CACNG7: variants seen among roughly 807,000 people sequenced by gnomAD.
The protein encoded by CACNG7 is voltage-dependent calcium channel gamma-7 subunit.
A neutral mutation model predicts 26.3 loss-of-function variants in CACNG7; 9 were observed. The observed-to-expected ratio is 0.34, with a 90% CI of 0.21 to 0.60. The LOEUF (loss-of-function observed/expected upper bound fraction) is 0.60. CACNG7 is among the 20% of genes least tolerant of loss of function. CACNG7 has a pLI of 0.81. For missense variants in CACNG7, 297 were observed against 380.4 expected (o/e 0.78, Z 1.82); for synonymous variants, 170 against 157.0 (o/e 1.08, Z -0.62).
intron 1 of CACNG7, among the ~76,000 whole-genome samples, chr19:53,910,874 C>T (rs773151206): frequency 6.6e-6 from 1 of 152,088 alleles, no homozygotes; most frequent in Admixed American, 6.5e-5. Context: ...GAAGTCCCAG[C>T]ATGGGAAACC....
rs759565578 is a variant in CACNG7 at position 53,941,522 on chromosome 19, G to A, written c.477G>A (p.Glu159=). The change falls in exon 5 of 6, where the codon GAG becomes GAA. Residue 159 remains glutamate, a synonymous_variant. Transcript: ENST00000391767. ...LVLYISSIND[E]VMNRPSSSEQ... ...TTTACATCTCCAGCATCAACGACGA[G>A]GTCATGAACAGGCCCAGCAGCTCTG... is the stretch of plus-strand genomic sequence containing the variant. 6.2e-7 allele frequency: 1 copy of A among 1,600,942 alleles called. No individual in the cohort carries two copies. The highest frequency in any genetic ancestry group is 8.5e-7 in the Non-Finnish European group (1 of 1,175,438).
intron 4 of CACNG7, among the ~76,000 whole-genome samples, chr19:53,920,831 TC>T (rs1399721928): frequency 1.9e-5 from 1 of 52,000 alleles, no homozygotes; most frequent in Non-Finnish European, 3.2e-5. Context: ...GGTGGAGTTG[TC>T]CCCAGGCCTG....
intron 4 of CACNG7, among the ~76,000 whole-genome samples, chr19:53,923,476 TCTGGTCATTGGTGGAGTTGTCCCAGG>T (rs1568776380): frequency 1.3e-5 from 1 of 78,482 alleles, no homozygotes; most frequent in Non-Finnish European, 2.4e-5. Context: ...TTGTCCCAGG[TCTGGTCATTGGTGGAGTTGTCCCAGG>T]CTGGTCATTG....
intron 4 of CACNG7, among the ~76,000 whole-genome samples, chr19:53,924,976 G>GAGGTCTGGTATTGGTGGAGTTGCCCC (rs2069013331): frequency 1.1e-5 from 1 of 91,960 alleles, no homozygotes. Context: ...GGTGTTGTCC[G>GAGGTCTGGTATTGGTGGAGTTGCCCC]AGGTCTGGTA....
In CACNG7 at chr19:53,942,070, A is replaced by G; in HGVS notation, c.605A>G (p.Lys202Arg). The change falls in exon 6 of 6, where the codon AAG becomes AGG. Residue 202 changes from lysine (K) to arginine (R), a missense_variant. Lys to Arg is a conservative substitution (Grantham distance 26, BLOSUM62 2). Transcript: ENST00000391767. The surrounding 1 kb of genome is among the most constrained non-coding windows in gnomAD (Gnocchi z 5.9). ...AGVMSVYLFT[K>R]RYAEEEMYRP... is the part of the protein sequence containing the mutation. Reference sequence around the variant, plus strand: ...GTGATGTCCGTGTACCTGTTCACCAAGCGCTACGCGGAGGAGGAGATGTAC... The same window carrying G: ...GTGATGTCCGTGTACCTGTTCACCAGGCGCTACGCGGAGGAGGAGATGTAC... 6.2e-7 allele frequency: 1 copy of G among 1,612,670 alleles called. No homozygotes were observed. The highest frequency in any genetic ancestry group is 8.5e-7 in the Non-Finnish European group (1 of 1,179,132).
In CACNG7 at chr19:53,912,096, G is replaced by A. The variant is rs574368665; in HGVS notation, c.-29-707G>A. ...ATGGAGTTAAGACTGGGTAGCCTGG[G>A]TTAGAGTTTCTGGCCAGCTCAAGTT... On this transcript the variant is annotated intron_variant, in intron 1 of 5. Transcript: ENST00000391767. This position sits in a 1 kb window ranked among gnomAD's most constrained non-coding sequence, Gnocchi z 4.6. 4.6e-5 allele frequency among the ~76,000 whole-genome samples: 7 copies of A among 152,292 alleles called. No homozygotes were observed. The highest frequency in any genetic ancestry group is 1.4e-4 in the African/African-American group (6 of 41,556).
rs79154711 is a variant in CACNG7 at position 53,922,930 on chromosome 19, T to C, written c.424+7425T>C. On this transcript the variant is annotated intron_variant, in intron 4 of 5. Coordinates refer to ENST00000391767, the MANE Select transcript of CACNG7 (RefSeq NM_031896.5). Reference sequence around the variant, plus strand: ...CCAGGCCTGGTCATTGGTGGAGTTGTCCCAGGTCTGGTCATTGGTGGAGTT... The same window carrying C: ...CCAGGCCTGGTCATTGGTGGAGTTGCCCCAGGTCTGGTCATTGGTGGAGTT... Among the ~76,000 whole-genome samples the C allele has an allele frequency of 6.3e-3, 429 of 68,538 alleles. 41 individuals carry two copies. Among genetic ancestry groups the C allele is most frequent in the Non-Finnish European group, 7.9e-3 (328 of 41,512 alleles). 45.0% of individuals were successfully genotyped at this position (68,538 alleles called of 152,430 possible).
In CACNG7 at chr19:53,914,235, C is replaced by T. The variant is rs538965206; in HGVS notation, c.197-265C>T. ...GTTGTGGTGAGCCGAGATCGTGCCACTGCACTCCAGCCTGGGCAACAGAGT... is the reference window on the plus strand; with the variant it reads ...GTTGTGGTGAGCCGAGATCGTGCCATTGCACTCCAGCCTGGGCAACAGAGT... On this transcript the variant is annotated intron_variant, in intron 2 of 5. Coordinates refer to ENST00000391767, the MANE Select transcript of CACNG7 (RefSeq NM_031896.5). Among the ~76,000 whole-genome samples the T allele has an allele frequency of 1.7e-4, 25 of 148,700 alleles. 1 individual carries two copies. The highest frequency in any genetic ancestry group is 6.2e-4 in the African/African-American group (24 of 38,864).
At chr19:53,924,873 GCTGGTCATTGGTGTACTTGCCCCAGGT>G (rs2069011594) in intron 4 of CACNG7, among the ~76,000 whole-genome samples, 1 of 142,944 alleles carries the variant, frequency 7.0e-6, no homozygotes, top group Admixed American at 6.9e-5. Context: ...CTTGCCCCAG[GCTGGTCATTGGTGTACTTGCCCCAGGT>G]CTGGTCATTG....
intron 4 of CACNG7, among the ~76,000 whole-genome samples, chr19:53,930,962 G>A (rs573165097): frequency 2.6e-5 from 4 of 152,272 alleles, no homozygotes; most frequent in African/African-American, 9.6e-5. Context: ...TTGGGAGGCC[G>A]AGGTGGGCAC....
At position 53,939,723 on chromosome 19, in the gene CACNG7, C is replaced by A. The variant is rs954294972; in HGVS notation, c.425-1747C>A. On this transcript the variant is annotated intron_variant, in intron 4 of 5. Transcript: ENST00000391767. The surrounding 1 kb of genome is among the most constrained non-coding windows in gnomAD (Gnocchi z 4.2). The stretch of plus-strand genomic sequence containing the variant: ...TCCGCTTTTTGGCTATTACGCATAA[C>A]GCTGTTACAAACATCCGTGTATGCG... Among the ~76,000 whole-genome samples the A allele has an allele frequency of 6.6e-6, 1 of 152,106 alleles. No homozygotes were observed.
chr19:53,918,840 C>G (rs190691327), intron 4 of CACNG7, among the ~76,000 whole-genome samples: 8 of 152,250 alleles, frequency 5.3e-5, no homozygotes, highest in Admixed American at 4.6e-4. Context: ...GCGATCTCGG[C>G]TCACTGCAAC....
At chr19:53,922,207 G>A (rs570940517) in intron 4 of CACNG7, among the ~76,000 whole-genome samples, 1 of 108,412 alleles carries the variant, frequency 9.2e-6, no homozygotes, top group South Asian at 3.1e-4. Flanking sequence ...GTTGCCCCAG[G>A]TCTGGTATTG....
intron 4 of CACNG7, among the ~76,000 whole-genome samples, chr19:53,926,837 T>C (rs1255923661): frequency 6.6e-6 from 1 of 152,170 alleles, no homozygotes; most frequent in Non-Finnish European, 1.5e-5. Context: ...CACTTGAACC[T>C]GGAAGGTGAA....
chr19:53,909,443 G>C lies in CACNG7; in HGVS notation c.-104G>C, dbSNP rs1373750149. On this transcript the variant is annotated 5_prime_UTR_variant, in exon 1 of 6. Coordinates refer to ENST00000391767, the MANE Select transcript of CACNG7 (RefSeq NM_031896.5). The surrounding 1 kb of genome is among the most constrained non-coding windows in gnomAD (Gnocchi z 5.1). The stretch of plus-strand genomic sequence containing the variant: ...GGCGACCCCGGTGGCGGCGGCGGCG[G>C]CCGGGGGAAGCCTCGGGGCCGGTCA... 1 of 149,862 alleles carries C rather than the reference G, an allele frequency of 6.7e-6. No individual in the cohort carries two copies. The highest frequency in any genetic ancestry group is 2.0e-4 in the East Asian group (1 of 5,096). 9.3% of individuals were successfully genotyped at this position (149,862 alleles called of 1,614,324 possible). A position where few individuals can be genotyped will look rare whatever the true frequency, so the allele number is the denominator to read the frequency against.
In CACNG7 at chr19:53,939,212, T is replaced by C. The variant is rs769970400; in HGVS notation, c.425-2258T>C. On this transcript the variant is annotated intron_variant, in intron 4 of 5. Coordinates refer to ENST00000391767, the MANE Select transcript of CACNG7 (RefSeq NM_031896.5). This position sits in a 1 kb window ranked among gnomAD's most constrained non-coding sequence, Gnocchi z 4.2. Reference sequence around the variant, plus strand: ...GGCAGAGGTTGCGGTGAGCCGAGATTGCACCACTACACTCCAGCCTAGGTG... The same window carrying C: ...GGCAGAGGTTGCGGTGAGCCGAGATCGCACCACTACACTCCAGCCTAGGTG... 6.6e-6 allele frequency among the ~76,000 whole-genome samples: 1 copy of C among 152,046 alleles called. No individual in the cohort carries two copies. Among genetic ancestry groups the C allele is most frequent in the Admixed American group, 6.6e-5 (1 of 15,238 alleles).
chr19:53,920,458 TCCCCAGGTCTGGTCATTGGTGGAGTTG>T (rs1568773389), intron 4 of CACNG7, among the ~76,000 whole-genome samples: 1 of 44,588 alleles, frequency 2.2e-5, no homozygotes. Flanking sequence ...GGTGGAGTCG[TCCCCAGGTCTGGTCATTGGTGGAGTTG>T]CCCCAGGTCT....
At chr19:53,937,682 C>T (rs112826440) in intron 4 of CACNG7, among the ~76,000 whole-genome samples, 1,508 of 147,894 alleles carry the variant, frequency 0.01, 17 homozygotes, top group African/African-American at 0.033. Context: ...CCTCTGCTTC[C>T]TGGGTTCAAG....
chr19:53,918,764 CTTTTTTA>C (rs932327190), intron 4 of CACNG7, among the ~76,000 whole-genome samples: 8 of 152,212 alleles, frequency 5.3e-5, no homozygotes, highest in South Asian at 2.1e-4. Context: ...TTTTATTTTA[CTTTTTTA>C]TTTTTTATTT....
Sources: gnomAD v4.1 joint callset for allele counts (sites outside exome capture counted in the v4.1 genomes callset) on GRCh38, gnomAD v4.1.1 for gene constraint, Gnocchi (gnomAD v3.1) non-coding constraint, MANE v1.5 for transcripts, NCBI Gene and HGNC (gene_info 2026-07-23, HGNC 2026-07-21) for gene names.